Variants in PTCHD4 observed in about 807,000 individuals in gnomAD.
The protein encoded by PTCHD4 is patched domain-containing protein 4.
PTCHD4 carries 33 observed loss-of-function variants against 58.1 expected under a neutral mutation model. That is an observed-to-expected ratio of 0.57 (90% CI 0.43 to 0.76). The LOEUF (loss-of-function observed/expected upper bound fraction) is 0.76, where lower values mean the gene tolerates loss of function less well. PTCHD4 is among the 30% of genes least tolerant of loss of function. The pLI is 0.00. For synonymous variants in PTCHD4, 478 were observed against 409.6 expected, an observed-to-expected ratio of 1.17 and a Z score of -2.02; for missense variants, 1,058 against 1,027.1, an observed-to-expected ratio of 1.03 and a Z score of -0.41.
At chr6:48,026,595 G>C (rs1430638080) in intron 3 of PTCHD4, among the ~76,000 whole-genome samples, 1 of 151,896 alleles carries the variant, frequency 6.6e-6, no homozygotes, top group African/African-American at 2.4e-5. Context: ...TTCACACTTT[G>C]GTTCCTTAGC....
At chr6:48,018,069 C>T (rs1385951979) in intron 3 of PTCHD4, among the ~76,000 whole-genome samples, 1 of 152,194 alleles carries the variant, frequency 6.6e-6, no homozygotes, top group East Asian at 1.9e-4. Flanking sequence ...TTTCTATTAA[C>T]ATACGTTATA....
chr6:48,060,307 G>A (rs1245065494), intron 3 of PTCHD4, among the ~76,000 whole-genome samples: 2 of 152,166 alleles, frequency 1.3e-5, no homozygotes, highest in African/African-American at 4.8e-5. Flanking sequence ...AGAGAACGGA[G>A]CTCAAATTTA....
chr6:48,110,644 C>CAA (rs1176968772), intron 1 of PTCHD4, among the ~76,000 whole-genome samples: 1 of 151,050 alleles, frequency 6.6e-6, no homozygotes, highest in Non-Finnish European at 1.5e-5. Context: ...CACACACACA[C>CAA]ACACACACAC....
At chr6:48,093,309 G>A (rs1410001882) in intron 1 of PTCHD4, among the ~76,000 whole-genome samples, 1 of 152,092 alleles carries the variant, frequency 6.6e-6, no homozygotes, top group East Asian at 1.9e-4. Flanking sequence ...TGCCCAAGCA[G>A]TTCTCTTTTT....
At chr6:48,043,964 CTG>C (rs1210046761) in intron 3 of PTCHD4, among the ~76,000 whole-genome samples, 1 of 151,768 alleles carries the variant, frequency 6.6e-6, no homozygotes, top group Non-Finnish European at 1.5e-5. Flanking sequence ...AACGTAAAAA[CTG>C]TGAAGTTTGC....
At chr6:48,066,162 G>A (rs372940585) in intron 3 of PTCHD4, among the ~76,000 whole-genome samples, 15 of 151,138 alleles carry the variant, frequency 9.9e-5, no homozygotes, top group South Asian at 4.2e-4. Context: ...TAAGCCTCAC[G>A]AGAGTGAGAA....
intron 4 of PTCHD4, among the ~76,000 whole-genome samples, chr6:47,940,955 C>T (rs1228590145): frequency 6.6e-6 from 1 of 152,152 alleles, no homozygotes; most frequent in Non-Finnish European, 1.5e-5. Flanking sequence ...ACTAATAAAT[C>T]TTGACTTCCT....
intron 3 of PTCHD4, among the ~76,000 whole-genome samples, chr6:48,037,703 A>G (rs1478270271): frequency 6.6e-6 from 1 of 152,176 alleles, no homozygotes; most frequent in Non-Finnish European, 1.5e-5. Flanking sequence ...GACTATGTAA[A>G]CAGAAGTAAT....
At chr6:47,945,340 CT>C (rs1766375636) in intron 4 of PTCHD4, among the ~76,000 whole-genome samples, 1 of 152,088 alleles carries the variant, frequency 6.6e-6, no homozygotes, top group Non-Finnish European at 1.5e-5. Flanking sequence ...GTATAACATA[CT>C]TGTTTATTTT....
At chr6:48,046,209 C>A (rs1764031811) in intron 3 of PTCHD4, among the ~76,000 whole-genome samples, 1 of 151,756 alleles carries the variant, frequency 6.6e-6, no homozygotes, top group Admixed American at 6.6e-5. Flanking sequence ...TGGTTAAGAC[C>A]TTTTCATTGT....
intron 3 of PTCHD4, among the ~76,000 whole-genome samples, chr6:48,050,534 T>C (rs918036684): frequency 1.2e-4 from 18 of 152,040 alleles, no homozygotes; most frequent in Non-Finnish European, 2.1e-4. Flanking sequence ...AACAAGTTAC[T>C]TAACTATCTG....
chr6:47,943,367 T>TA (rs1296126198), intron 4 of PTCHD4, among the ~76,000 whole-genome samples: 1 of 152,192 alleles, frequency 6.6e-6, no homozygotes, highest in East Asian at 1.9e-4. Context: ...CCTTATTTTT[T>TA]ATCATTCAGT....
intron 4 of PTCHD4, among the ~76,000 whole-genome samples, chr6:47,938,591 G>A (rs1027934449): frequency 6.6e-6 from 1 of 152,208 alleles, no homozygotes; most frequent in African/African-American, 2.4e-5. Context: ...CAAGTGGGTA[G>A]TGAATGGACT....
intron 1 of PTCHD4, among the ~76,000 whole-genome samples, chr6:48,075,537 C>A (rs1765048851): frequency 6.7e-6 from 1 of 149,790 alleles, no homozygotes; most frequent in Non-Finnish European, 1.5e-5. Context: ...ACCTTAGATT[C>A]ATATGTACAA....
chr6:48,004,561 T>G (rs771062453), intron 4 of PTCHD4, among the ~76,000 whole-genome samples: 2 of 152,166 alleles, frequency 1.3e-5, no homozygotes, highest in Non-Finnish European at 2.9e-5. Flanking sequence ...TTCTCATTGG[T>G]ATGTGCTTAG....
intron 4 of PTCHD4, among the ~76,000 whole-genome samples, chr6:47,883,536 A>C (rs545011748): frequency 1.4e-3 from 219 of 152,344 alleles, no homozygotes; most frequent in Non-Finnish European, 2.1e-3. Flanking sequence ...GCTAGATATT[A>C]CTAGGATTTT....
Position 47,865,959 on chromosome 6 carries a change from GC to G in PTCHD4, c.*12343del, listed in dbSNP as rs1763553367. On this transcript the variant is annotated 3_prime_UTR_variant, in exon 5 of 5. Coordinates refer to ENST00000339488, the MANE Select transcript of PTCHD4 (RefSeq NM_001384253.1). ...TCGTTGACCCAGGAACATATTCTGT[GC>G]TTTTGTTGCATGTTATGGCTTTGCT... Among the ~76,000 whole-genome samples the G allele has an allele frequency of 6.6e-6, 1 of 151,826 alleles. No homozygotes were observed. The highest frequency in any genetic ancestry group is 2.4e-5 in the African/African-American group (1 of 41,404).
chr6:48,004,030 C>A (rs1768848536), intron 4 of PTCHD4, among the ~76,000 whole-genome samples: 1 of 152,126 alleles, frequency 6.6e-6, no homozygotes. Context: ...AATCATATAA[C>A]ATAGTTTATA....
rs1763843294 is a variant in PTCHD4 at position 47,876,173 on chromosome 6, C to T, written c.*2130G>A. On this transcript the variant is annotated 3_prime_UTR_variant, in exon 5 of 5. Coordinates refer to ENST00000339488, the MANE Select transcript of PTCHD4 (RefSeq NM_001384253.1). ...GATCATGGTCTGGAGGCTACTCGTA[C>T]CAAATACCAGTTCATTCTAGTACAG... Among the ~76,000 whole-genome samples the T allele has an allele frequency of 6.6e-6, 1 of 151,638 alleles. No homozygotes were observed. Among genetic ancestry groups the T allele is most frequent in the Admixed American group, 6.6e-5 (1 of 15,180 alleles).
Sources: gnomAD v4.1 joint callset for allele counts (sites outside exome capture counted in the v4.1 genomes callset) on GRCh38, gnomAD v4.1.1 for gene constraint, MANE v1.5 for transcripts, NCBI Gene and HGNC (gene_info 2026-07-23, HGNC 2026-07-21) for gene names.